The following ADCK1 variants were observed in gnomAD, a reference collection of about 807,000 sequenced individuals.
The protein encoded by ADCK1 is aarF domain-containing protein kinase 1.
ADCK1 carries 41 observed loss-of-function variants against 52.3 expected under a neutral mutation model. The observed-to-expected ratio is 0.78, with a 90% CI of 0.61 to 1.02. The LOEUF is 1.02. ADCK1 is among the 50% of genes least tolerant of loss of function. The pLI is 0.00. For missense variants in ADCK1, 658 were observed against 679.5 expected, an observed-to-expected ratio of 0.97 and a Z score of 0.35; for synonymous variants, 250 against 274.6, an observed-to-expected ratio of 0.91 and a Z score of 0.89.
At chr14:77,872,876 A>G (rs900058517) in intron 4 of ADCK1, among the ~76,000 whole-genome samples, 4 of 152,026 alleles carry the variant, frequency 2.6e-5, no homozygotes, top group African/African-American at 9.7e-5. Context: ...GGATTTTGTC[A>G]TATTGGCCAG....
At chr14:77,846,159 C>T (rs768246500) in intron 3 of ADCK1, among the ~76,000 whole-genome samples, 17 of 152,112 alleles carry the variant, frequency 1.1e-4, no homozygotes, top group Non-Finnish European at 1.9e-4. Flanking sequence ...TATCTCCTTC[C>T]GACCATCTCT....
chr14:77,934,034 C>G lies in ADCK1; in HGVS notation c.*643C>G, dbSNP rs1221515507. 6.6e-6 allele frequency: 1 copy of G among 152,360 alleles called. No homozygotes were observed. Among genetic ancestry groups the G allele is most frequent in the Non-Finnish European group, 1.5e-5 (1 of 68,172 alleles). 9.4% of individuals were successfully genotyped at this position (152,360 alleles called of 1,614,324 possible). On this transcript the variant is annotated 3_prime_UTR_variant, in exon 11 of 11. Coordinates refer to ENST00000238561, the MANE Select transcript of ADCK1 (RefSeq NM_020421.4). ...TCCAGAATGTGCTCATGGTCCTCGCCAAGGGCTTATGGTTCCTCTTGGTTG... is the reference window on the plus strand; with the variant it reads ...TCCAGAATGTGCTCATGGTCCTCGCGAAGGGCTTATGGTTCCTCTTGGTTG...
chr14:77,905,622 C>G (rs369721960), intron 6 of ADCK1, among the ~76,000 whole-genome samples: 2 of 151,940 alleles, frequency 1.3e-5, no homozygotes, highest in East Asian at 1.9e-4. Context: ...GAATTTAACC[C>G]GAAAATATGT....
In ADCK1 at chr14:77,887,317, G is replaced by A. The variant is rs2083181461; in HGVS notation, c.582+68G>A. 10 of 1,465,964 alleles carry A rather than the reference G, an allele frequency of 6.8e-6. No homozygotes were observed. The South Asian group carries it at 1.0e-4, about 15-fold the overall frequency. 90.8% of individuals were successfully genotyped at this position (1,465,964 alleles called of 1,614,324 possible). ...TTTCCCTGGGATCCAGGCCACCTAG[G>A]TGGAACTGGTTCAAGCTGGTGAGTG... is the stretch of plus-strand genomic sequence containing the variant. On this transcript the variant is annotated intron_variant, in intron 5 of 10. Transcript: ENST00000238561.
rs1312899103 is a variant in ADCK1, at chr14:77,899,158, A to G, written c.641A>G (p.Asp214Gly). 6.2e-7 allele frequency: 1 copy of G among 1,613,990 alleles called. No homozygotes were observed. The highest frequency in any genetic ancestry group is 1.7e-5 in the Admixed American group (1 of 59,998). Reference sequence around the variant, plus strand: ...GAGTTTGAGTTTATGTGGCTTGTGGATGAAGCCAAGAAGAACCTGCCTTTG... The same window carrying G: ...GAGTTTGAGTTTATGTGGCTTGTGGGTGAAGCCAAGAAGAACCTGCCTTTG... The part of the protein sequence containing the change: ...FPEFEFMWLV[D>G]EAKKNLPLEL... Residue 214 changes from aspartate (D) to glycine (G), a missense_variant, in exon 6 of 11, where the codon GAT becomes GGT. Transcript: ENST00000238561.
chr14:77,802,210 A>C (rs908325596), intron 1 of ADCK1, among the ~76,000 whole-genome samples: 1 of 151,860 alleles, frequency 6.6e-6, no homozygotes, highest in African/African-American at 2.4e-5. Context: ...TGAAGCTCTA[A>C]TAGCATGCAC....
intron 1 of ADCK1, among the ~76,000 whole-genome samples, chr14:77,816,005 C>T (rs554912365): frequency 2.0e-5 from 3 of 150,030 alleles, no homozygotes; most frequent in Non-Finnish European, 3.0e-5. Context: ...TGGGGTTTCA[C>T]CATGTTGGCC....
Position 77,819,009 on chromosome 14 carries a change from T to G in ADCK1, c.31T>G (p.Trp11Gly). ...CAGAAAGGCTCTCAAGCTTGCTTCG[T>G]GGACCAGCATGGCTCTTGCTGCCTC... MARKALKLAS[W>G]TSMALAASGI... Residue 11 changes from tryptophan (W) to glycine (G), a missense_variant, in exon 2 of 11, where the codon TGG (tryptophan) becomes GGG (glycine). Transcript: ENST00000238561. The G allele has an allele frequency of 6.2e-7, 1 of 1,614,204 alleles. No homozygotes were observed. Among genetic ancestry groups the G allele is most frequent in the Non-Finnish European group, 8.5e-7 (1 of 1,180,028 alleles).
intron 5 of ADCK1, among the ~76,000 whole-genome samples, chr14:77,898,101 A>T (rs1445530602): frequency 7.2e-5 from 11 of 152,208 alleles, no homozygotes; most frequent in Non-Finnish European, 1.2e-4. Flanking sequence ...CTACAAAAAA[A>T]TTAAAAAAAT....
intron 4 of ADCK1, among the ~76,000 whole-genome samples, chr14:77,872,034 G>C (rs2082789928): frequency 2.0e-5 from 3 of 152,188 alleles, no homozygotes; most frequent in Admixed American, 2.0e-4. Context: ...TACGCCTTCT[G>C]TCAGCATTCC....
At position 77,819,037 on chromosome 14, in the gene ADCK1, G is replaced by C; in HGVS notation, c.59G>C (p.Gly20Ala). 6.2e-7 allele frequency: 1 copy of C among 1,614,152 alleles called. No individual in the cohort carries two copies. Among genetic ancestry groups the C allele is most frequent in the South Asian group, 1.1e-5 (1 of 91,084 alleles). The change falls in exon 2 of 11, where the codon GGC (glycine) becomes GCC (alanine). Residue 20 changes from glycine to alanine, a missense_variant. By Grantham distance (60) the Gly-to-Ala change is moderately conservative. Coordinates refer to ENST00000238561, the MANE Select transcript of ADCK1 (RefSeq NM_020421.4). The stretch of plus-strand genomic sequence containing the variant: ...ACCAGCATGGCTCTTGCTGCCTCTG[G>C]CATCTACTTCTACAGTAACAAGTAC... Reference protein sequence around the residue: ...SWTSMALAASGIYFYSNKYLD... With the variant: ...SWTSMALAASAIYFYSNKYLD...
intron 4 of ADCK1, among the ~76,000 whole-genome samples, chr14:77,872,090 G>A (rs2140168043): frequency 6.6e-6 from 1 of 152,322 alleles, no homozygotes; most frequent in East Asian, 1.9e-4. Context: ...CGCAGGTCAA[G>A]GAACTGAATA....
intron 3 of ADCK1, among the ~76,000 whole-genome samples, chr14:77,849,571 G>A (rs1332895203): frequency 6.6e-6 from 1 of 152,004 alleles, no homozygotes; most frequent in African/African-American, 2.4e-5. Context: ...AGCCACTCAA[G>A]TAGCTGGGAC....
chr14:77,835,589 C>T (rs1208583003), intron 3 of ADCK1, among the ~76,000 whole-genome samples: 1 of 152,204 alleles, frequency 6.6e-6, no homozygotes, highest in East Asian at 1.9e-4. Context: ...CCTTATAAAG[C>T]ACACATTCCT....
intron 4 of ADCK1, among the ~76,000 whole-genome samples, chr14:77,863,700 G>C (rs1413198042): frequency 2.0e-5 from 3 of 152,072 alleles, no homozygotes; most frequent in Non-Finnish European, 4.4e-5. Flanking sequence ...AGCTGGGTGT[G>C]GTGGTGGGCG....
At chr14:77,821,756 G>A (rs2081587473) in intron 2 of ADCK1, among the ~76,000 whole-genome samples, 1 of 151,584 alleles carries the variant, frequency 6.6e-6, no homozygotes, top group South Asian at 2.1e-4. Flanking sequence ...TGGCATGTGT[G>A]TATAATCCCA....
Position 77,933,656 on chromosome 14 carries a change from T to C in ADCK1, c.*265T>C, listed in dbSNP as rs936601680. ...CATTCCCATTCCTGGTATGTGCCATTGGGTTGGATGTCCCCACTACTTCCG... is the reference window on the plus strand; with the variant it reads ...CATTCCCATTCCTGGTATGTGCCATCGGGTTGGATGTCCCCACTACTTCCG... On this transcript the variant is annotated 3_prime_UTR_variant, in exon 11 of 11. Transcript: ENST00000238561. 2.7e-5 allele frequency: 12 copies of C among 443,360 alleles called. No homozygotes were observed. Among genetic ancestry groups the C allele is most frequent in the Admixed American group, 1.1e-4 (3 of 28,072 alleles). 27.5% of individuals were successfully genotyped at this position (443,360 alleles called of 1,614,324 possible).
intron 1 of ADCK1, among the ~76,000 whole-genome samples, chr14:77,806,978 G>A (rs2081237244): frequency 4.0e-5 from 6 of 150,294 alleles, no homozygotes; most frequent in Admixed American, 2.6e-4. Flanking sequence ...GCCTCCCAAA[G>A]CGTTGGGATT....
intron 4 of ADCK1, among the ~76,000 whole-genome samples, chr14:77,864,357 A>T (rs1181813755): frequency 6.6e-6 from 1 of 152,222 alleles, no homozygotes; most frequent in Non-Finnish European, 1.5e-5. Flanking sequence ...TAAACTGTTT[A>T]TCCAACTTGT....
Sources: gnomAD v4.1 joint callset for allele counts (sites outside exome capture counted in the v4.1 genomes callset) on GRCh38, gnomAD v4.1.1 for gene constraint, MANE v1.5 for transcripts, NCBI Gene and HGNC (gene_info 2026-07-23, HGNC 2026-07-21) for gene names.